CHAT: variants seen among roughly 807,000 people sequenced by gnomAD.
CHAT encodes acetyl CoA:choline O-acetyltransferase.
Under a neutral mutation model 76.9 loss-of-function variants are expected in CHAT, and 61 were observed. That is an observed-to-expected ratio of 0.79 (90% CI 0.65 to 0.98). The LOEUF (loss-of-function observed/expected upper bound fraction) is 0.98, where lower values mean the gene tolerates loss of function less well. Among genes scored for constraint, CHAT ranks in the 50% least tolerant of loss-of-function variants. The pLI, the probability that CHAT is intolerant of heterozygous loss-of-function variation, is 0.00. For missense variants in CHAT, 946 were observed against 986.9 expected (o/e 0.96, Z 0.56); for synonymous variants, 407 against 397.4 (o/e 1.02, Z -0.29).
chr10:49,624,640 A>T (rs1340556752), intron 5 of CHAT, among the ~76,000 whole-genome samples: 1 of 152,200 alleles, frequency 6.6e-6, no homozygotes, highest in Non-Finnish European at 1.5e-5. Context: ...CCATATCCCC[A>T]CATCCCAGAA....
At chr10:49,635,801 A>G (rs1363117642) in intron 7 of CHAT, among the ~76,000 whole-genome samples, 1 of 152,194 alleles carries the variant, frequency 6.6e-6, no homozygotes, top group African/African-American at 2.4e-5. Flanking sequence ...GAACATCTAC[A>G]AAAAGCTTAT....
At chr10:49,643,571 G>T (rs983727709) in intron 7 of CHAT, among the ~76,000 whole-genome samples, 29 of 152,156 alleles carry the variant, frequency 1.9e-4, no homozygotes, top group African/African-American at 6.8e-4. Flanking sequence ...GCCTAAGGAG[G>T]GGAGAAGGGC....
chr10:49,614,832 C>G (rs542766366), intron 1 of CHAT, among the ~76,000 whole-genome samples: 1 of 152,142 alleles, frequency 6.6e-6, no homozygotes, highest in Non-Finnish European at 1.5e-5. Context: ...CCGCTTCTCC[C>G]GGGAGCAGGG....
At position 49,653,551 on chromosome 10, in the gene CHAT, G is replaced by A. The variant is rs1048004030; in HGVS notation, c.1635-1544G>A. Among the ~76,000 whole-genome samples the A allele has an allele frequency of 5.9e-5, 9 of 152,218 alleles. 1 individual carries two copies. Among genetic ancestry groups the A allele is most frequent in the African/African-American group, 7.2e-5 (3 of 41,462 alleles). ...GACACAGCAGCCCAGTGTCCCCTGC[G>A]GGGCTGTAATTCTCAAGGAAGTGAG... On this transcript the variant is annotated intron_variant, in intron 11 of 14. Coordinates refer to ENST00000337653, the MANE Select transcript of CHAT (RefSeq NM_020549.5).
At chr10:49,622,026 G>A in intron 4 of CHAT, 71 bp from the exon 5 acceptor site, 9 of 1,517,124 alleles carry the variant, frequency 5.9e-6, no homozygotes, top group South Asian at 5.6e-5. Flanking sequence ...GGGAGGGGAG[G>A]CAGAAGGGAG....
At chr10:49,609,442 G>A (rs1838231621), upstream of CHAT, among the ~76,000 whole-genome samples, 1 of 151,830 alleles carries the variant, frequency 6.6e-6, no homozygotes, top group Non-Finnish European at 1.5e-5. Flanking sequence ...GTGCCTGGGA[G>A]GAGTTAGAGT....
At position 49,625,610 on chromosome 10, in the gene CHAT, T is replaced by A; in HGVS notation, c.890T>A (p.Ile297Asn). Residue 297 changes from isoleucine (I) to asparagine (N), a missense_variant, in exon 6 of 15, where the codon ATC becomes AAC. Physicochemically the swap from Ile to Asn is moderately radical, Grantham distance 149 (BLOSUM62 -3). Coordinates refer to ENST00000337653, the MANE Select transcript of CHAT (RefSeq NM_020549.5). Reference sequence around the variant, plus strand: ...ACGCTGGTGGCTCAGAACAGCAGCATCATGCCGGAGCCTGAGCACGTCATC... The same window carrying A: ...ACGCTGGTGGCTCAGAACAGCAGCAACATGCCGGAGCCTGAGCACGTCATC... ...QDTLVAQNSS[I>N]MPEPEHVIVA... is the part of the protein sequence containing the mutation. 1 of 1,599,248 alleles carries A rather than the reference T, an allele frequency of 6.3e-7. No individual in the cohort carries two copies. Among genetic ancestry groups the A allele is most frequent in the Non-Finnish European group, 8.5e-7 (1 of 1,172,364 alleles).
intron 7 of CHAT, among the ~76,000 whole-genome samples, chr10:49,636,114 C>A (rs963659129): frequency 2.0e-5 from 3 of 152,140 alleles, no homozygotes; most frequent in Admixed American, 6.6e-5. Context: ...CAATTATAGT[C>A]TTTCGCCTTT....
Position 49,627,661 on chromosome 10 carries a change from G to A in CHAT, c.987G>A (p.Leu329=). The change falls in exon 7 of 15, where the codon CTG becomes CTA. Residue 329 remains leucine, a synonymous_variant. Transcript: ENST00000337653. The stretch of plus-strand genomic sequence containing the variant: ...TCCGCCGTCTCAGTGAGGGGGATCT[G>A]TTCACTCAGTTGAGAAAGATAGTCA... The part of the protein sequence containing the change: ...INFRRLSEGD[L]FTQLRKIVKM... 1 of 1,614,152 alleles carries A rather than the reference G, an allele frequency of 6.2e-7. No individual in the cohort carries two copies. The highest frequency in any genetic ancestry group is 1.1e-5 in the South Asian group (1 of 91,084).
chr10:49,627,534 C>T, intron 6 of CHAT, 74 bp from the exon 7 acceptor site: 1 of 1,474,942 alleles, frequency 6.8e-7, no homozygotes, highest in Non-Finnish European at 9.5e-7. Context: ...CCAAGCTTAC[C>T]TGTGAAGGCT....
At chr10:49,612,666 GGCC>G (rs1197454767), upstream of CHAT, 1 of 327,790 alleles carries the variant, frequency 3.1e-6, no homozygotes, top group African/African-American at 2.1e-5. Flanking sequence ...GCCAAACTTG[GGCC>G]GCTGCACCGC....
intron 7 of CHAT, among the ~76,000 whole-genome samples, chr10:49,644,569 G>A (rs1213011215): frequency 2.6e-5 from 4 of 152,150 alleles, no homozygotes; most frequent in Admixed American, 6.5e-5. Context: ...GCCCTCATAG[G>A]GACGAGGAGG....
chr10:49,656,400 T>C (rs764610159), intron 13 of CHAT, among the ~76,000 whole-genome samples: 2 of 150,602 alleles, frequency 1.3e-5, no homozygotes, highest in Non-Finnish European at 2.9e-5. Context: ...GGTTACCATG[T>C]AGTTGGGAGA....
chr10:49,640,055 G>T (rs1422292841), intron 7 of CHAT, among the ~76,000 whole-genome samples: 2 of 151,728 alleles, frequency 1.3e-5, no homozygotes, highest in Non-Finnish European at 2.9e-5. Flanking sequence ...TTATTTTCTT[G>T]CTGAGAATTT....
chr10:49,634,298 A>G lies in CHAT; in HGVS notation c.1111+6513A>G, dbSNP rs371284063. 3.2e-4 allele frequency among the ~76,000 whole-genome samples: 49 copies of G among 152,362 alleles called. No homozygotes were observed. In the East Asian group the frequency reaches 8.7e-3, roughly 27 times the overall value. ...AGCAGTCTGCCCTGTGGGCAGGACC[A>G]AGGGGATGGGCGGTAAAGCAGATGG... On this transcript the variant is annotated intron_variant, in intron 7 of 14. Transcript: ENST00000337653.
chr10:49,616,573 G>A lies in CHAT; in HGVS notation c.358G>A (p.Ala120Thr), dbSNP rs3810950. The A allele has an allele frequency of 0.24, 381,427 of 1,610,550 alleles. 47,769 individuals are homozygous for A. The highest frequency in any genetic ancestry group is 0.28 in the Middle Eastern group (1,673 of 6,060). ...PILEKVPRKM[A>T]AKTPSSEESG... ...CCTGGAAAAGGTCCCCCGTAAGATG[G>A]CAGCAAAAACTCCCAGCAGTGAGGA... Residue 120 changes from alanine to threonine, a missense_variant, in exon 2 of 15, where the codon GCA (alanine) becomes ACA (threonine). Physicochemically the swap from Ala to Thr is moderately conservative, Grantham distance 58. This residue lies in a region of CHAT where 548 missense variants were observed against 516.2 expected (regional missense o/e 1.06). Transcript: ENST00000337653.
At chr10:49,610,826 G>T (rs1471793352), upstream of CHAT, 2 of 1,607,486 alleles carry the variant, frequency 1.2e-6, no homozygotes, top group East Asian at 4.5e-5. Context: ...CAGGAGCCCC[G>T]GCGGCAGAGG....
intron 14 of CHAT, among the ~76,000 whole-genome samples, chr10:49,663,192 T>C (rs568276226): frequency 2.0e-5 from 3 of 152,142 alleles, no homozygotes; most frequent in Admixed American, 6.5e-5. Flanking sequence ...ATTGCACCAC[T>C]GCATTCCAGC....
At chr10:49,651,109 C>T (rs762923729) in intron 10 of CHAT, among the ~76,000 whole-genome samples, 6 of 151,816 alleles carry the variant, frequency 4.0e-5, no homozygotes, top group Non-Finnish European at 8.8e-5. Context: ...GGGTGAGGCC[C>T]GAGTGGGCAC....
Sources: allele counts gnomAD v4.1 joint callset (sites outside exome capture counted in the v4.1 genomes callset), GRCh38; gene constraint gnomAD v4.1.1; regional missense constraint gnomAD v4.1.1; transcripts MANE v1.5; gene names NCBI Gene and HGNC (gene_info 2026-07-23, HGNC 2026-07-21).